The following CDK14 variants were observed in gnomAD, a reference collection of about 807,000 sequenced individuals.
The protein encoded by CDK14 is cyclin dependent kinase 14, also known as cyclin-dependent kinase 14.
A neutral mutation model predicts 60.7 loss-of-function variants in CDK14; 34 were observed. That is an observed-to-expected ratio of 0.56 (90% CI 0.43 to 0.75). CDK14 has a LOEUF of 0.75. CDK14 is among the 30% of genes least tolerant of loss of function. The pLI is 0.00. For synonymous variants in CDK14, 197 were observed against 203.7 expected, an observed-to-expected ratio of 0.97 and a Z score of 0.28; for missense variants, 482 against 564.1, an observed-to-expected ratio of 0.85 and a Z score of 1.47.
chr7:91,149,463 A>G (rs183742456), intron 14 of CDK14, among the ~76,000 whole-genome samples: 1 of 152,254 alleles, frequency 6.6e-6, no homozygotes, highest in Admixed American at 6.5e-5. Flanking sequence ...ATGATATTCT[A>G]ATAGTTTTTA....
chr7:91,194,542 AT>A (rs10707688), intron 14 of CDK14, among the ~76,000 whole-genome samples: 11,177 of 151,774 alleles, frequency 0.074, 476 homozygotes, highest in Admixed American at 0.15. Flanking sequence ...AAATCACCAG[AT>A]TTTTTTTTAA....
chr7:90,975,680 C>T lies in CDK14; in HGVS notation c.948-8468C>T, dbSNP rs78305594. Reference sequence around the variant, plus strand: ...TTTTGTGTCTTTTAGCAAATCTCCCCCTATACTTTCCTTCACTACCCTTAC... The same window carrying T: ...TTTTGTGTCTTTTAGCAAATCTCCCTCTATACTTTCCTTCACTACCCTTAC... On this transcript the variant is annotated intron_variant, in intron 9 of 14. Coordinates refer to ENST00000380050, the MANE Select transcript of CDK14 (RefSeq NM_001287135.2). Among the ~76,000 whole-genome samples, 2,737 of 152,114 alleles carry T rather than the reference C, an allele frequency of 0.018. 148 individuals carry two copies. The East Asian group carries it at 0.18, about 10-fold the overall frequency.
chr7:90,847,421 A>T (rs2117167593), intron 5 of CDK14, among the ~76,000 whole-genome samples: 1 of 152,280 alleles, frequency 6.6e-6, no homozygotes, highest in Non-Finnish European at 1.5e-5. Context: ...ATATAAAAGA[A>T]TAGATTATCC....
intron 10 of CDK14, among the ~76,000 whole-genome samples, chr7:90,985,215 A>T (rs1327763680): frequency 1.3e-5 from 2 of 152,164 alleles, no homozygotes; most frequent in Admixed American, 1.3e-4. Context: ...GTAAAATGTA[A>T]GTGTTCTGGA....
intron 5 of CDK14, among the ~76,000 whole-genome samples, chr7:90,803,130 A>C (rs1788703939): frequency 6.6e-6 from 1 of 150,650 alleles, no homozygotes; most frequent in African/African-American, 2.4e-5. Context: ...GCAGTATCTA[A>C]GATGTCAGTA....
chr7:91,060,730 CA>C (rs770594956), intron 11 of CDK14, among the ~76,000 whole-genome samples: 1 of 152,198 alleles, frequency 6.6e-6, no homozygotes, highest in Non-Finnish European at 1.5e-5. Flanking sequence ...CATTGGCCCC[CA>C]CTGTCTTCTG....
intron 1 of CDK14, 31 bp downstream of exon 1, chr7:90,596,749 G>C (rs781083839): frequency 5.7e-6 from 9 of 1,565,660 alleles, no homozygotes; most frequent in Non-Finnish European, 6.1e-6. Flanking sequence ...GGCCCCCCCA[G>C]CGCCCGCTCC....
At chr7:90,695,808 C>T (rs1006983603) in intron 2 of CDK14, among the ~76,000 whole-genome samples, 2 of 152,010 alleles carry the variant, frequency 1.3e-5, no homozygotes, top group African/African-American at 4.8e-5. Context: ...TCTTAAGGAA[C>T]AGGAAGGAGT....
At chr7:91,060,205 G>T (rs866514267) in intron 11 of CDK14, among the ~76,000 whole-genome samples, 2 of 151,142 alleles carry the variant, frequency 1.3e-5, no homozygotes, top group Admixed American at 6.6e-5. Flanking sequence ...TGTTTTATCC[G>T]AGGCTAGGAT....
chr7:90,973,399 T>C (rs1584186996), intron 9 of CDK14, among the ~76,000 whole-genome samples: 1 of 152,148 alleles, frequency 6.6e-6, no homozygotes, highest in Non-Finnish European at 1.5e-5. Flanking sequence ...CTTAAAGCTC[T>C]CGGTCCTAAG....
At chr7:90,806,003 C>A (rs1788813029) in intron 5 of CDK14, among the ~76,000 whole-genome samples, 1 of 152,094 alleles carries the variant, frequency 6.6e-6, no homozygotes, top group African/African-American at 2.4e-5. Context: ...CATTTGTGGG[C>A]AGTTGATTTT....
At chr7:91,168,335 T>C (rs1272717989) in intron 14 of CDK14, among the ~76,000 whole-genome samples, 1 of 152,106 alleles carries the variant, frequency 6.6e-6, no homozygotes, top group Non-Finnish European at 1.5e-5. Context: ...TTTTGTAATG[T>C]AGTTAGAACA....
intron 2 of CDK14, among the ~76,000 whole-genome samples, chr7:90,682,776 T>G (rs1801346961): frequency 6.6e-6 from 1 of 152,226 alleles, no homozygotes; most frequent in Non-Finnish European, 1.5e-5. Flanking sequence ...TTCTTCAGCC[T>G]TCTTCTATAT....
intron 12 of CDK14, among the ~76,000 whole-genome samples, chr7:91,086,661 GT>G (rs1168671741): frequency 3.1e-5 from 4 of 130,596 alleles, no homozygotes; most frequent in Non-Finnish European, 7.1e-5. Flanking sequence ...GCCCCTGTGG[GT>G]GTGTGTGTGT....
At chr7:90,848,821 C>A (rs1399102426) in intron 5 of CDK14, among the ~76,000 whole-genome samples, 1 of 152,136 alleles carries the variant, frequency 6.6e-6, no homozygotes, top group East Asian at 1.9e-4. Flanking sequence ...TAAGAGGTTC[C>A]TATTCCATCT....
chr7:90,835,284 G>C (rs1344738992), intron 5 of CDK14, among the ~76,000 whole-genome samples: 1 of 152,142 alleles, frequency 6.6e-6, no homozygotes, highest in Non-Finnish European at 1.5e-5. Flanking sequence ...TGATTGTTAA[G>C]CGTGGGTAAG....
intron 5 of CDK14, among the ~76,000 whole-genome samples, chr7:90,848,519 A>G (rs554961356): frequency 1.3e-5 from 2 of 152,188 alleles, no homozygotes; most frequent in Non-Finnish European, 2.9e-5. Flanking sequence ...TACCTTGAAT[A>G]AGTGCATTTT....
At chr7:90,818,626 A>G (rs981333576) in intron 5 of CDK14, among the ~76,000 whole-genome samples, 1 of 152,196 alleles carries the variant, frequency 6.6e-6, no homozygotes, top group African/African-American at 2.4e-5. Flanking sequence ...ACTATTAAAA[A>G]TGAAGTAAAA....
At chr7:90,818,886 ATGTG>A (rs10540162) in intron 5 of CDK14, among the ~76,000 whole-genome samples, 131,579 of 149,842 alleles carry the variant, frequency 0.88, 57,848 homozygotes, top group East Asian at 1. Context: ...GTGTATATAT[ATGTG>A]TGTGTGTGTG....
Sources: allele counts gnomAD v4.1 joint callset (sites outside exome capture counted in the v4.1 genomes callset), GRCh38; gene constraint gnomAD v4.1.1; transcripts MANE v1.5; gene names NCBI Gene and HGNC (gene_info 2026-07-23, HGNC 2026-07-21).